The following PTPRT variants were observed in gnomAD, a reference collection of about 807,000 sequenced individuals.
PTPRT encodes the protein receptor-type tyrosine-protein phosphatase T.
PTPRT carries 56 observed loss-of-function variants against 176.8 expected under a neutral mutation model. That is an observed-to-expected ratio of 0.32 (90% CI 0.26 to 0.40). The LOEUF (loss-of-function observed/expected upper bound fraction) is 0.40. PTPRT is among the 10% of genes least tolerant of loss of function. The pLI, the probability that PTPRT is intolerant of heterozygous loss-of-function variation, is 1.00. For missense variants in PTPRT, 1,540 were observed against 1,908.2 expected (o/e 0.81, Z 3.60); for synonymous variants, 783 against 739.0 (o/e 1.06, Z -0.96).
At chr20:42,600,930 C>G (rs760918673) in intron 7 of PTPRT, among the ~76,000 whole-genome samples, 4 of 152,164 alleles carry the variant, frequency 2.6e-5, no homozygotes, top group African/African-American at 4.8e-5. Context: ...AGTACACCTC[C>G]TGGCAATCTT....
At chr20:42,297,764 C>T (rs560286728) in intron 12 of PTPRT, among the ~76,000 whole-genome samples, 7 of 152,118 alleles carry the variant, frequency 4.6e-5, no homozygotes, top group Admixed American at 2.6e-4. Context: ...CTCAAATTAT[C>T]GGGACAAAAA....
chr20:42,669,391 G>A (rs1166857572), intron 7 of PTPRT, among the ~76,000 whole-genome samples: 1 of 152,056 alleles, frequency 6.6e-6, no homozygotes, highest in African/African-American at 2.4e-5. Flanking sequence ...CTTTGATTCT[G>A]GGTGGGATAG....
At chr20:42,047,064 T>G in the PTPRT span, among the ~76,000 whole-genome samples, 74,116 of 152,072 alleles carry the variant, frequency 0.49, 19,334 homozygotes, top group Middle Eastern at 0.62. Flanking sequence ...CCTGACAAAC[T>G]TCTCCAATGA....
chr20:42,898,632 C>T (rs1309463086), intron 1 of PTPRT, among the ~76,000 whole-genome samples: 1 of 152,098 alleles, frequency 6.6e-6, no homozygotes, highest in African/African-American at 2.4e-5. Flanking sequence ...CTGTTCAGAC[C>T]ATCTTCTCTA....
rs1345126640 is a variant in PTPRT at position 42,074,191 on chromosome 20, C to T, written c.*6688G>A. The T allele has an allele frequency of 4.4e-6, 1 of 227,976 alleles. No homozygotes were observed. Among genetic ancestry groups the T allele is most frequent in the Admixed American group, 5.7e-5 (1 of 17,592 alleles). The allele number at this position is 227,976 out of a possible 1,614,324, so 14.1% of individuals were successfully genotyped here. A position where few individuals can be genotyped will look rare whatever the true frequency, so the allele number is the denominator to read the frequency against. The stretch of plus-strand genomic sequence containing the variant: ...CCTGGGGCCTTTGACCCAAAGAACA[C>T]CTGACATTATTCATCTTCCATGGGA... On this transcript the variant is annotated 3_prime_UTR_variant, in exon 31 of 31. Transcript: ENST00000373187.
At chr20:42,557,366 C>A (rs1473815690) in intron 7 of PTPRT, among the ~76,000 whole-genome samples, 1 of 152,090 alleles carries the variant, frequency 6.6e-6, no homozygotes, top group Non-Finnish European at 1.5e-5. Flanking sequence ...CCTTGCTCTG[C>A]AAAAAGGGCC....
At chr20:43,024,789 C>A (rs1453830581) in intron 1 of PTPRT, among the ~76,000 whole-genome samples, 1 of 152,194 alleles carries the variant, frequency 6.6e-6, no homozygotes, top group African/African-American at 2.4e-5. Flanking sequence ...ATCCCCAATG[C>A]CATTTCTCAG....
At chr20:43,026,486 T>C (rs560338077) in intron 1 of PTPRT, among the ~76,000 whole-genome samples, 3 of 152,284 alleles carry the variant, frequency 2.0e-5, no homozygotes, top group African/African-American at 4.8e-5. Flanking sequence ...CTGGGGTACA[T>C]GAGATATATT....
intron 15 of PTPRT, among the ~76,000 whole-genome samples, chr20:42,225,506 C>A (rs1313255638): frequency 6.6e-6 from 1 of 152,254 alleles, no homozygotes; most frequent in Middle Eastern, 3.4e-3. Flanking sequence ...CTTTCCCTCT[C>A]TATAGCATTC....
At chr20:43,060,849 G>C (rs1987426115) in intron 1 of PTPRT, among the ~76,000 whole-genome samples, 1 of 152,150 alleles carries the variant, frequency 6.6e-6, no homozygotes, top group Admixed American at 6.5e-5. Context: ...GAGAACTAAA[G>C]GGCACAAGGG....
chr20:43,167,868 C>T (rs1315641022), intron 1 of PTPRT, among the ~76,000 whole-genome samples: 1 of 152,172 alleles, frequency 6.6e-6, no homozygotes, highest in South Asian at 2.1e-4. Context: ...CCTATGGAGC[C>T]TTCATATGAG....
At chr20:43,018,987 T>C (rs183865005) in intron 1 of PTPRT, among the ~76,000 whole-genome samples, 47 of 152,346 alleles carry the variant, frequency 3.1e-4, no homozygotes, top group Admixed American at 1.0e-3. Context: ...TCAAAATTTA[T>C]CTTACTGAAA....
At chr20:42,203,078 A>T (rs912947939) in intron 15 of PTPRT, among the ~76,000 whole-genome samples, 1 of 152,234 alleles carries the variant, frequency 6.6e-6, no homozygotes, top group Non-Finnish European at 1.5e-5. Context: ...CTGTATTTTC[A>T]TGGTGATAAT....
intron 9 of PTPRT, among the ~76,000 whole-genome samples, chr20:42,365,398 G>A (rs891247987): frequency 2.0e-5 from 3 of 152,178 alleles, no homozygotes; most frequent in Admixed American, 1.3e-4. Context: ...GTATATGGAC[G>A]CTATGCATAC....
chr20:42,958,905 CAATATGCATTGATTAATGACAAT>C (rs1407876663), intron 1 of PTPRT, among the ~76,000 whole-genome samples: 12 of 152,170 alleles, frequency 7.9e-5, no homozygotes, highest in African/African-American at 2.9e-4. Flanking sequence ...CCTGGAAAAT[CAATATGCATTGATTAATGACAAT>C]AATATGATGC....
At chr20:42,581,988 C>T (rs2073381469) in intron 7 of PTPRT, among the ~76,000 whole-genome samples, 1 of 152,078 alleles carries the variant, frequency 6.6e-6, no homozygotes, top group Admixed American at 6.5e-5. Context: ...GCACTTGGAA[C>T]AAAAAAGGGG....
At chr20:42,473,702 T>C (rs2071238730) in intron 7 of PTPRT, among the ~76,000 whole-genome samples, 1 of 152,200 alleles carries the variant, frequency 6.6e-6, no homozygotes, top group Non-Finnish European at 1.5e-5. Context: ...CTCAAACTCC[T>C]GGGCTCAAGT....
Position 42,538,727 on chromosome 20 carries a change from C to G in PTPRT, c.1154-66165G>C, listed in dbSNP as rs541652834. Among the ~76,000 whole-genome samples the G allele has an allele frequency of 2.6e-5, 4 of 152,280 alleles. No homozygotes were observed. In the South Asian group the frequency reaches 8.3e-4, roughly 32 times the overall value. On this transcript the variant is annotated intron_variant, in intron 7 of 30. Transcript: ENST00000373187. ...CATCGTGAGTATGTTGTGCATTAGA[C>G]AAAGGCAGGGAGATCTTTCTAACCA...
chr20:42,529,595 T>G (rs1248752606), intron 7 of PTPRT, among the ~76,000 whole-genome samples: 1 of 152,078 alleles, frequency 6.6e-6, no homozygotes, highest in Non-Finnish European at 1.5e-5. Context: ...CAAGCGATTC[T>G]CCTGCCCCAG....
Sources: gnomAD v4.1 joint callset for allele counts (sites outside exome capture counted in the v4.1 genomes callset) on GRCh38, gnomAD v4.1.1 for gene constraint, MANE v1.5 for transcripts, NCBI Gene and HGNC (gene_info 2026-07-23, HGNC 2026-07-21) for gene names.